DAPK1: variants seen among roughly 807,000 people sequenced by gnomAD.
DAPK1 encodes the protein death-associated protein kinase 1.
A neutral mutation model predicts 144.9 loss-of-function variants in DAPK1; 56 were observed. The observed-to-expected ratio is 0.39, with a 90% CI of 0.31 to 0.48. DAPK1 has a LOEUF of 0.48. Among genes scored for constraint, DAPK1 ranks in the 20% least tolerant of loss-of-function variants. DAPK1 has a pLI of 0.95. For synonymous variants in DAPK1, 690 were observed against 749.0 expected, an observed-to-expected ratio of 0.92 and a Z score of 1.29; for missense variants, 1,454 against 1,875.4, an observed-to-expected ratio of 0.78 and a Z score of 4.15.
At chr9:87,613,271 T>C (rs1253060870) in intron 3 of DAPK1, among the ~76,000 whole-genome samples, 1 of 152,228 alleles carries the variant, frequency 6.6e-6, no homozygotes, top group Non-Finnish European at 1.5e-5. Flanking sequence ...AGTACAGCAG[T>C]GTTAATTCTA....
chr9:87,592,853 C>T (rs541241527), intron 2 of DAPK1, among the ~76,000 whole-genome samples: 7 of 152,268 alleles, frequency 4.6e-5, no homozygotes, highest in African/African-American at 1.7e-4. Flanking sequence ...CCATTCCCTG[C>T]CAGCCTCTTC....
intron 2 of DAPK1, among the ~76,000 whole-genome samples, chr9:87,500,477 G>A (rs1250360864): frequency 6.6e-6 from 1 of 151,946 alleles, no homozygotes; most frequent in Non-Finnish European, 1.5e-5. Flanking sequence ...TTTTCCTTTG[G>A]GACTGGAAGA....
At chr9:87,506,209 G>A (rs575306669) in intron 2 of DAPK1, among the ~76,000 whole-genome samples, 6 of 152,346 alleles carry the variant, frequency 3.9e-5, no homozygotes, top group Non-Finnish European at 7.3e-5. Context: ...TGATATTTAA[G>A]AGAGGTGAAG....
rs1368635418 is a variant in DAPK1, at chr9:87,614,885, C to G, written c.284+9710C>G. 2.6e-5 allele frequency among the ~76,000 whole-genome samples: 4 copies of G among 152,308 alleles called. No homozygotes were observed. In the South Asian group the frequency reaches 8.3e-4, roughly 32 times the overall value. On this transcript the variant is annotated intron_variant, in intron 3 of 25. Coordinates refer to ENST00000408954, the MANE Select transcript of DAPK1 (RefSeq NM_004938.4). ...TCAAACCTTCCATTTGGCTTTCCCC[C>G]ACTCTGGTCATACGGAGTCCACATC... is the stretch of plus-strand genomic sequence containing the variant.
At chr9:87,506,289 C>T (rs116053880) in intron 2 of DAPK1, among the ~76,000 whole-genome samples, 1 of 152,152 alleles carries the variant, frequency 6.6e-6, no homozygotes, top group Admixed American at 6.5e-5. Context: ...AAATAGTAGA[C>T]CCTTCATGGA....
At chr9:87,603,848 C>G (rs556272815) in intron 2 of DAPK1, among the ~76,000 whole-genome samples, 1 of 152,256 alleles carries the variant, frequency 6.6e-6, no homozygotes, top group East Asian at 1.9e-4. Context: ...CTGCCTACCC[C>G]TTATTATTTT....
At chr9:87,651,792 T>G in intron 17 of DAPK1, 68 bp downstream of exon 17, 1 of 1,386,742 alleles carries the variant, frequency 7.2e-7, no homozygotes, top group Non-Finnish European at 1.0e-6. Flanking sequence ...GGGTCCTGAT[T>G]CTGTGTCCTC....
intron 2 of DAPK1, among the ~76,000 whole-genome samples, chr9:87,539,823 C>T (rs909877678): frequency 1.3e-5 from 2 of 152,110 alleles, no homozygotes; most frequent in African/African-American, 2.4e-5. Flanking sequence ...TGTCTACATT[C>T]GCTGACTGTC....
At chr9:87,550,508 A>G (rs548816211) in intron 2 of DAPK1, among the ~76,000 whole-genome samples, 35 of 152,244 alleles carry the variant, frequency 2.3e-4, no homozygotes, top group Non-Finnish European at 4.9e-4. Flanking sequence ...CAGTCTGCAC[A>G]TGGCATTCTG....
chr9:87,511,465 A>G (rs1400385984), intron 2 of DAPK1, among the ~76,000 whole-genome samples: 1 of 152,178 alleles, frequency 6.6e-6, no homozygotes, highest in Non-Finnish European at 1.5e-5. Flanking sequence ...TTAAGATGGG[A>G]AGAGATGCAT....
At chr9:87,498,672 G>A in intron 1 of DAPK1, 3 of 386,906 alleles carry the variant, frequency 7.8e-6, no homozygotes, top group African/African-American at 2.1e-5. Flanking sequence ...GCAGAGAAAG[G>A]GGAGGCGGGG....
intron 2 of DAPK1, among the ~76,000 whole-genome samples, chr9:87,514,995 A>G (rs1355970372): frequency 6.6e-6 from 1 of 152,196 alleles, no homozygotes; most frequent in Non-Finnish European, 1.5e-5. Flanking sequence ...AGAGACACTG[A>G]CAAACTTGGG....
At chr9:87,644,967 A>G (rs1830220217) in intron 11 of DAPK1, among the ~76,000 whole-genome samples, 3 of 152,234 alleles carry the variant, frequency 2.0e-5, no homozygotes, top group African/African-American at 7.2e-5. Flanking sequence ...TTAAACATGC[A>G]TTTTATACAA....
intron 23 of DAPK1, 150 bp downstream of exon 23, chr9:87,698,944 G>T: frequency 1.7e-6 from 1 of 592,014 alleles, no homozygotes; most frequent in East Asian, 2.8e-5. Flanking sequence ...TCTTGTACAG[G>T]TCTTGTATCC....
chr9:87,695,486 G>A (rs944837121), intron 21 of DAPK1, among the ~76,000 whole-genome samples: 13 of 152,192 alleles, frequency 8.5e-5, no homozygotes, highest in Admixed American at 3.9e-4. Context: ...TGGAGGTTCC[G>A]GGAGTCCTGG....
At chr9:87,534,062 C>T (rs1490529619) in intron 2 of DAPK1, among the ~76,000 whole-genome samples, 3 of 151,726 alleles carry the variant, frequency 2.0e-5, no homozygotes, top group Non-Finnish European at 4.4e-5. Flanking sequence ...AAACACTTTT[C>T]TTAGACTGTG....
intron 2 of DAPK1, among the ~76,000 whole-genome samples, chr9:87,582,557 C>CCT (rs762396671): frequency 9.3e-5 from 13 of 139,500 alleles, no homozygotes; most frequent in Non-Finnish European, 1.4e-4. Flanking sequence ...AATTTTCCTG[C>CCT]TTTTTTTTTT....
intron 19 of DAPK1, among the ~76,000 whole-genome samples, chr9:87,670,024 A>G (rs1831202856): frequency 6.6e-6 from 1 of 152,070 alleles, no homozygotes; most frequent in Non-Finnish European, 1.5e-5. Context: ...AGTCAGGTAA[A>G]ATTTCCCTAG....
chr9:87,645,746 C>G (rs1463682248), intron 11 of DAPK1, 149 bp from the exon 12 acceptor site: 1 of 918,532 alleles, frequency 1.1e-6, no homozygotes, highest in African/African-American at 1.7e-5. Context: ...CTTCCTAGGT[C>G]CCTCCATGAC....
Sources: gnomAD v4.1 joint callset for allele counts (sites outside exome capture counted in the v4.1 genomes callset) on GRCh38, gnomAD v4.1.1 for gene constraint, MANE v1.5 for transcripts, NCBI Gene and HGNC (gene_info 2026-07-23, HGNC 2026-07-21) for gene names.